SPIRE1: variants seen among roughly 807,000 people sequenced by gnomAD.
SPIRE1 encodes spire type actin nucleation factor 1, also known as protein spire homolog 1.
In SPIRE1, 40 loss-of-function variants were observed where a neutral mutation model predicts 94.1. That is an observed-to-expected ratio of 0.43 (90% CI 0.33 to 0.55). The LOEUF (loss-of-function observed/expected upper bound fraction) is 0.55, where lower values mean the gene tolerates loss of function less well. Among genes scored for constraint, SPIRE1 ranks in the 20% least tolerant of loss-of-function variants. The pLI is 0.06. For synonymous variants in SPIRE1, 376 were observed against 371.7 expected (o/e 1.01, Z -0.13); for missense variants, 838 against 975.2 (o/e 0.86, Z 1.87).
chr18:12,563,340 G>A (rs1387682376), intron 2 of SPIRE1, among the ~76,000 whole-genome samples: 1 of 151,598 alleles, frequency 6.6e-6, no homozygotes, highest in Non-Finnish European at 1.5e-5. Flanking sequence ...TTAAGAGATG[G>A]GGGTCTCCAG....
At chr18:12,530,366 C>A (rs1284294270) in intron 4 of SPIRE1, among the ~76,000 whole-genome samples, 3 of 152,090 alleles carry the variant, frequency 2.0e-5, no homozygotes, top group African/African-American at 7.2e-5. Flanking sequence ...TTGCCTCCTC[C>A]CCGATTTTTA....
At chr18:12,586,855 T>G (rs184217717) in intron 2 of SPIRE1, among the ~76,000 whole-genome samples, 2,003 of 152,252 alleles carry the variant, frequency 0.013, 21 homozygotes, top group Non-Finnish European at 0.021. Context: ...ATAATGTAGG[T>G]TTTTTGAGAA....
At chr18:12,577,187 A>C (rs1156537461) in intron 2 of SPIRE1, among the ~76,000 whole-genome samples, 1 of 152,098 alleles carries the variant, frequency 6.6e-6, no homozygotes, top group South Asian at 2.1e-4. Context: ...TAGCTCTGTC[A>C]CCCAGGCTAG....
At chr18:12,612,409 C>A (rs1475770832) in intron 2 of SPIRE1, among the ~76,000 whole-genome samples, 1 of 152,110 alleles carries the variant, frequency 6.6e-6, no homozygotes, top group Non-Finnish European at 1.5e-5. Context: ...TGCTGGAGTG[C>A]GCCAGGGCTC....
At chr18:12,638,953 C>T (rs2038010076) in intron 1 of SPIRE1, among the ~76,000 whole-genome samples, 2 of 152,122 alleles carry the variant, frequency 1.3e-5, no homozygotes, top group Admixed American at 1.3e-4. Context: ...AACCTCTTTT[C>T]TTTATAAATT....
chr18:12,501,020 C>T lies in SPIRE1; in HGVS notation c.973-4918G>A, dbSNP rs528128783. 5.4e-3 allele frequency among the ~76,000 whole-genome samples: 750 copies of T among 140,006 alleles called. 3 individuals carry two copies. The highest frequency in any genetic ancestry group is 0.019 in the African/African-American group (711 of 36,786). 91.8% of individuals were successfully genotyped at this position (140,006 alleles called of 152,430 possible). ...CCTGGAGGCGGAGGTTGCAGCGAGC[C>T]GAGATCACGCCATTGCACTCCATCC... On this transcript the variant is annotated intron_variant, in intron 6 of 16. Transcript: ENST00000409402.
At chr18:12,566,572 T>C (rs1338303790) in intron 2 of SPIRE1, among the ~76,000 whole-genome samples, 1 of 152,172 alleles carries the variant, frequency 6.6e-6, no homozygotes, top group Non-Finnish European at 1.5e-5. Flanking sequence ...TCGGGATTAT[T>C]TCATTAGTAC....
chr18:12,521,336 CTTT>C (rs377466869), intron 4 of SPIRE1, among the ~76,000 whole-genome samples: 3 of 143,416 alleles, frequency 2.1e-5, no homozygotes, highest in Admixed American at 7.0e-5. Flanking sequence ...ATAGCAGATA[CTTT>C]TTTTTTTTTT....
intron 2 of SPIRE1, among the ~76,000 whole-genome samples, chr18:12,590,938 T>C (rs1022362413): frequency 5.9e-5 from 9 of 152,208 alleles, no homozygotes; most frequent in African/African-American, 1.7e-4. Context: ...AAACAATATA[T>C]AGTCATATAT....
At chr18:12,490,314 GA>G (rs2033187177) in intron 8 of SPIRE1, among the ~76,000 whole-genome samples, 1 of 116,536 alleles carries the variant, frequency 8.6e-6, no homozygotes, top group South Asian at 2.2e-4. Context: ...CTTGCTATGA[GA>G]GATTGAATCA....
At chr18:12,471,379 T>G (rs1284692013) in intron 10 of SPIRE1, among the ~76,000 whole-genome samples, 1 of 151,260 alleles carries the variant, frequency 6.6e-6, no homozygotes, top group Non-Finnish European at 1.5e-5. Context: ...AATACTGGTT[T>G]CTTTCTTTTT....
At chr18:12,525,478 C>G (rs183070212) in intron 4 of SPIRE1, among the ~76,000 whole-genome samples, 1 of 151,732 alleles carries the variant, frequency 6.6e-6, no homozygotes, top group Non-Finnish European at 1.5e-5. Flanking sequence ...TAATTCAACA[C>G]TGTTGTCATT....
Position 12,559,370 on chromosome 18 carries a change from C to T in SPIRE1, c.373-12466G>A, listed in dbSNP as rs540804921. Among the ~76,000 whole-genome samples the T allele has an allele frequency of 4.6e-5, 7 of 152,272 alleles. No homozygotes were observed. The highest frequency in any genetic ancestry group is 9.6e-5 in the African/African-American group (4 of 41,564). ...CATTGCCCGGGCCGGCGTCGCCAGC[C>T]GGCAGCTCTGAGTGCTGGCCGGGCG... On this transcript the variant is annotated intron_variant, in intron 2 of 16. Transcript: ENST00000409402. This position sits in a 1 kb window ranked among gnomAD's most constrained non-coding sequence, Gnocchi z 4.7.
chr18:12,632,873 T>C (rs1270283682), intron 2 of SPIRE1, among the ~76,000 whole-genome samples: 2 of 152,170 alleles, frequency 1.3e-5, no homozygotes, highest in African/African-American at 2.4e-5. Context: ...TATGACAATA[T>C]AATAAAACGA....
chr18:12,545,251 G>A (rs938308430), intron 3 of SPIRE1, among the ~76,000 whole-genome samples: 2 of 152,178 alleles, frequency 1.3e-5, no homozygotes, highest in African/African-American at 2.4e-5. Flanking sequence ...TTATATATAT[G>A]TATTTTATGT....
intron 16 of SPIRE1, among the ~76,000 whole-genome samples, chr18:12,450,112 C>T (rs1003841844): frequency 9.9e-5 from 15 of 151,720 alleles, no homozygotes; most frequent in South Asian, 8.3e-4. Context: ...CGGTGGCTCA[C>T]GCCTGTAATC....
chr18:12,574,232 A>G (rs2144491324), intron 2 of SPIRE1, among the ~76,000 whole-genome samples: 1 of 152,352 alleles, frequency 6.6e-6, no homozygotes, highest in Non-Finnish European at 1.5e-5. Context: ...CTCTAAAAAA[A>G]GTATTAATTT....
intron 3 of SPIRE1, among the ~76,000 whole-genome samples, chr18:12,536,638 T>C (rs1480459902): frequency 6.6e-6 from 1 of 152,182 alleles, no homozygotes; most frequent in Non-Finnish European, 1.5e-5. Flanking sequence ...ACAGCCCTAA[T>C]GTCCTTTACC....
At chr18:12,657,379 CCCTGCGGGTCCCCGCCGGATCCT>C in intron 1 of SPIRE1, 128 bp downstream of exon 1, 1 of 591,026 alleles carries the variant, frequency 1.7e-6, no homozygotes, top group Non-Finnish European at 2.4e-6. Context: ...CGCCGTCCTC[CCCTGCGGGTCCCCGCCGGATCCT>C]CCCGGGGGTC....
Sources: gnomAD v4.1 joint callset for allele counts (sites outside exome capture counted in the v4.1 genomes callset) on GRCh38, gnomAD v4.1.1 for gene constraint, Gnocchi (gnomAD v3.1) non-coding constraint, MANE v1.5 for transcripts, NCBI Gene and HGNC (gene_info 2026-07-23, HGNC 2026-07-21) for gene names.